Variants in TSHZ3 observed in about 807,000 individuals in gnomAD.
TSHZ3 encodes the protein teashirt homolog 3.
A neutral mutation model predicts 64.5 loss-of-function variants in TSHZ3; 10 were observed. The ratio of observed to expected loss-of-function variants is 0.16; its 90% confidence interval spans 0.10 to 0.26. The LOEUF is 0.26. Ranked by LOEUF, TSHZ3 falls within the 10% of genes least tolerant of loss-of-function variation. TSHZ3 has a pLI of 1.00. For synonymous variants in TSHZ3, 608 were observed against 593.1 expected, an observed-to-expected ratio of 1.03 and a Z score of -0.36; for missense variants, 1,242 against 1,421.7, an observed-to-expected ratio of 0.87 and a Z score of 2.03.
At chr19:31,161,092 T>A (rs1263592817) in intron 5 of TSHZ3, among the ~76,000 whole-genome samples, 1 of 152,164 alleles carries the variant, frequency 6.6e-6, no homozygotes, top group Admixed American at 6.5e-5. Context: ...CGTGTGTATG[T>A]GTGTGTGTAT....
At chr19:31,235,962 A>G (rs1975608486) in intron 3 of TSHZ3, among the ~76,000 whole-genome samples, 1 of 151,864 alleles carries the variant, frequency 6.6e-6, no homozygotes, top group African/African-American at 2.4e-5. Context: ...TCAGCTTCCC[A>G]AAGGGCTGGA....
intron 6 of TSHZ3, among the ~76,000 whole-genome samples, chr19:31,154,777 G>A (rs957310865): frequency 6.6e-6 from 1 of 152,206 alleles, no homozygotes; most frequent in African/African-American, 2.4e-5. Context: ...AGGAAAGTGT[G>A]GGCTTCATTT....
intron 1 of TSHZ3, among the ~76,000 whole-genome samples, chr19:31,318,368 C>T (rs1180175580): frequency 6.6e-6 from 1 of 152,058 alleles, no homozygotes; most frequent in African/African-American, 2.4e-5. Flanking sequence ...AATTCATTCT[C>T]GGTTTCTTTT....
At chr19:31,287,634 C>A (rs1166814054) in intron 1 of TSHZ3, among the ~76,000 whole-genome samples, 2 of 151,522 alleles carry the variant, frequency 1.3e-5, no homozygotes, top group Non-Finnish European at 2.9e-5. Flanking sequence ...CTAGGGCTGG[C>A]GTAGGGGAGA....
chr19:31,183,608 T>C (rs1015114854), intron 5 of TSHZ3, among the ~76,000 whole-genome samples: 4 of 152,116 alleles, frequency 2.6e-5, no homozygotes, highest in African/African-American at 9.7e-5. Flanking sequence ...CCAGGTGTGT[T>C]AGGGGGTTTT....
intron 1 of TSHZ3, among the ~76,000 whole-genome samples, chr19:31,293,927 T>C (rs1055859147): frequency 6.6e-6 from 1 of 152,184 alleles, no homozygotes; most frequent in African/African-American, 2.4e-5. Flanking sequence ...ACCACCTTCC[T>C]CAACGGCTCT....
intron 1 of TSHZ3, among the ~76,000 whole-genome samples, chr19:31,307,399 C>T (rs1413930783): frequency 1.3e-5 from 2 of 152,002 alleles, no homozygotes; most frequent in African/African-American, 2.4e-5. Flanking sequence ...GAAGATGGAG[C>T]GGAGCTGAGA....
chr19:31,289,531 C>T (rs550771120), intron 1 of TSHZ3, among the ~76,000 whole-genome samples: 9 of 152,218 alleles, frequency 5.9e-5, no homozygotes, highest in Non-Finnish European at 8.8e-5. Flanking sequence ...CTCTCCTCCC[C>T]GGGCCCCAGC....
intron 5 of TSHZ3, among the ~76,000 whole-genome samples, chr19:31,191,636 C>T (rs1974908675): frequency 6.6e-6 from 1 of 151,890 alleles, no homozygotes; most frequent in Admixed American, 6.6e-5. Context: ...GTGGGAGGTT[C>T]ACTTGTGGCC....
In TSHZ3 at chr19:31,275,512, AT is replaced by A. The variant is rs1335954366; in HGVS notation, c.*1034del. The A allele has an allele frequency of 6.7e-6, 1 of 149,864 alleles. No individual in the cohort carries two copies. The highest frequency in any genetic ancestry group is 1.5e-5 in the Non-Finnish European group (1 of 67,472). The allele number at this position is 149,864 out of a possible 1,614,324, so 9.3% of individuals were successfully genotyped here. On this transcript the variant is annotated 3_prime_UTR_variant, in exon 2 of 2. Transcript: ENST00000240587. ...CTGAGTTTATTTTGAGTGTTCTTTGATTTCTAATAAATACCTTTAAAAATCA... is the reference window on the plus strand; with the variant it reads ...CTGAGTTTATTTTGAGTGTTCTTTGATTCTAATAAATACCTTTAAAAATCA...
intron 1 of TSHZ3, among the ~76,000 whole-genome samples, chr19:31,310,768 G>T (rs1916435240): frequency 6.6e-6 from 1 of 152,174 alleles, no homozygotes; most frequent in South Asian, 2.1e-4. Flanking sequence ...AAATGAGAAT[G>T]AAAGTCCTCT....
In TSHZ3 at chr19:31,278,383, G is replaced by T; in HGVS notation, c.1410C>A (p.Val470=). ...CTTTCTCCTTGTCGACTTCCTTCTT[G>T]ACCTCCACATTCAGTTTTGGGGAGA... is the stretch of plus-strand genomic sequence containing the variant. ...ASISPKLNVE[V]KKEVDKEKAV... Residue 470 remains valine, a synonymous_variant, in exon 2 of 2, where the codon GTC becomes GTA. Coordinates refer to ENST00000240587, the MANE Select transcript of TSHZ3 (RefSeq NM_020856.4). This position sits in a 1 kb window ranked among gnomAD's most constrained non-coding sequence, Gnocchi z 4.7. 1 of 1,614,094 alleles carries T rather than the reference G, an allele frequency of 6.2e-7. No individual in the cohort carries two copies. The highest frequency in any genetic ancestry group is 2.2e-5 in the East Asian group (1 of 44,852).
At chr19:31,316,274 C>T (rs1355988720) in intron 1 of TSHZ3, among the ~76,000 whole-genome samples, 1 of 152,166 alleles carries the variant, frequency 6.6e-6, no homozygotes, top group African/African-American at 2.4e-5. Context: ...CTAAATCTCC[C>T]AAAGCCTGTT....
At chr19:31,194,541 C>T (rs574425856) in intron 5 of TSHZ3, among the ~76,000 whole-genome samples, 1 of 152,198 alleles carries the variant, frequency 6.6e-6, no homozygotes, top group Non-Finnish European at 1.5e-5. Context: ...AGTCCAGAAG[C>T]AGAGGCTCAT....
At chr19:31,336,582 G>A (rs1721528956) in intron 1 of TSHZ3, among the ~76,000 whole-genome samples, 1 of 152,168 alleles carries the variant, frequency 6.6e-6, no homozygotes, top group African/African-American at 2.4e-5. Flanking sequence ...GTTATCTAAG[G>A]AACGAAGTTT....
intron 4 of TSHZ3, among the ~76,000 whole-genome samples, chr19:31,218,134 T>C (rs1370683742): frequency 6.6e-6 from 1 of 152,154 alleles, no homozygotes; most frequent in African/African-American, 2.4e-5. Flanking sequence ...GGAGGAAATA[T>C]TTGCAAAGGA....
At chr19:31,197,526 A>G (rs941103595) in intron 5 of TSHZ3, among the ~76,000 whole-genome samples, 5 of 151,784 alleles carry the variant, frequency 3.3e-5, no homozygotes, top group Non-Finnish European at 7.4e-5. Flanking sequence ...AACCAAAAGT[A>G]TGTTTTTAGA....
intron 5 of TSHZ3, among the ~76,000 whole-genome samples, chr19:31,191,177 G>GTT (rs1388241862): frequency 6.6e-6 from 1 of 151,928 alleles, no homozygotes; most frequent in Non-Finnish European, 1.5e-5. Context: ...ATATCAACAC[G>GTT]GTTGACACTG....
chr19:31,221,206 T>A (rs993175086), intron 4 of TSHZ3, among the ~76,000 whole-genome samples: 1 of 152,038 alleles, frequency 6.6e-6, no homozygotes, highest in Admixed American at 6.6e-5. Context: ...GAGGTAAGGG[T>A]AAAGTGCAAT....
Sources: allele counts gnomAD v4.1 joint callset (sites outside exome capture counted in the v4.1 genomes callset), GRCh38; gene constraint gnomAD v4.1.1; non-coding constraint Gnocchi (gnomAD v3.1); transcripts MANE v1.5; gene names NCBI Gene and HGNC (gene_info 2026-07-23, HGNC 2026-07-21).